CHD1: variants seen among roughly 807,000 people sequenced by gnomAD.
CHD1 encodes ATP-dependent chromatin remodeler CHD1.
A neutral mutation model predicts 224.2 loss-of-function variants in CHD1; 36 were observed. The ratio of observed to expected loss-of-function variants is 0.16; its 90% CI spans 0.12 to 0.21. CHD1 has a LOEUF of 0.21. Among genes scored for constraint, CHD1 ranks in the 10% least tolerant of loss-of-function variants. CHD1 has a pLI of 1.00. For missense variants in CHD1, 1,378 were observed against 1,994.8 expected (o/e 0.69, Z 5.89); for synonymous variants, 668 against 658.3 (o/e 1.01, Z -0.23).
intron 1 of CHD1, 147 bp downstream of exon 1, chr5:98,928,392 G>T (rs552986249): frequency 6.6e-6 from 1 of 152,494 alleles, no homozygotes; most frequent in Non-Finnish European, 1.5e-5. Flanking sequence ...CGCCAGGCCC[G>T]TACACCGCCA....
intron 1 of CHD1, among the ~76,000 whole-genome samples, chr5:98,927,930 TAA>T (rs1257683281): frequency 6.6e-6 from 1 of 152,196 alleles, no homozygotes; most frequent in Non-Finnish European, 1.5e-5. Context: ...ATGACTACCC[TAA>T]GTTATTAAAC....
chr5:98,905,548 G>A (rs1210537297), intron 2 of CHD1, among the ~76,000 whole-genome samples: 3 of 152,102 alleles, frequency 2.0e-5, no homozygotes, highest in Non-Finnish European at 4.4e-5. Flanking sequence ...ACAGTAACAG[G>A]CAGAAATTTA....
chr5:98,854,106 A>T lies in CHD1; in HGVS notation c.*2274T>A, dbSNP rs771137632. On this transcript the variant is annotated 3_prime_UTR_variant, in exon 36 of 36. Transcript: ENST00000614616. The stretch of plus-strand genomic sequence containing the variant: ...AAAAATAACAAAGCAGAATGAAAAC[A>T]GAATATTTTATGGAGAATGTTCTGC... The T allele has an allele frequency of 6.6e-6, 1 of 152,056 alleles. No individual in the cohort carries two copies. The highest frequency in any genetic ancestry group is 1.5e-5 in the Non-Finnish European group (1 of 67,884). 9.4% of individuals were successfully genotyped at this position (152,056 alleles called of 1,614,324 possible). A position where few individuals can be genotyped will look rare whatever the true frequency, so the allele number is the denominator to read the frequency against.
At chr5:98,891,563 C>A (rs1402474810) in intron 15 of CHD1, among the ~76,000 whole-genome samples, 3 of 152,128 alleles carry the variant, frequency 2.0e-5, no homozygotes, top group Admixed American at 6.5e-5. Flanking sequence ...GTAATCCCAG[C>A]ACTTTGGAAG....
In CHD1 at chr5:98,874,692, A is replaced by G. The variant is rs141999443; in HGVS notation, c.3440+380T>C. On this transcript the variant is annotated intron_variant, in intron 25 of 35. Coordinates refer to ENST00000614616, the MANE Select transcript of CHD1 (RefSeq NM_001270.4). ...GCGCCACTGCACTCCAGCCTGGGAG[A>G]CAGTGAGAGACTCCATTTAAAAAGA... is the stretch of plus-strand genomic sequence containing the variant. Among the ~76,000 whole-genome samples, 286 of 151,450 alleles carry G rather than the reference A, an allele frequency of 1.9e-3. 1 individual carries two copies. Among genetic ancestry groups the G allele is most frequent in the African/African-American group, 6.4e-3 (264 of 41,250 alleles).
chr5:98,903,350 TA>T (rs1159316084), intron 4 of CHD1, among the ~76,000 whole-genome samples: 1 of 152,226 alleles, frequency 6.6e-6, no homozygotes, highest in Non-Finnish European at 1.5e-5. Context: ...AACATACATG[TA>T]TGCATGCTTG....
At chr5:98,867,823 TAG>T (rs1749011027) in intron 31 of CHD1, among the ~76,000 whole-genome samples, 2 of 128,092 alleles carry the variant, frequency 1.6e-5, no homozygotes, top group African/African-American at 5.6e-5. Context: ...TTTTTTGAGA[TAG>T]AGTCTCACTG....
intron 4 of CHD1, among the ~76,000 whole-genome samples, chr5:98,903,294 T>C (rs1278118195): frequency 6.6e-6 from 1 of 152,150 alleles, no homozygotes; most frequent in Non-Finnish European, 1.5e-5. Flanking sequence ...GAATTTTTTC[T>C]TCACCATTAC....
intron 2 of CHD1, 33 bp downstream of exon 2, chr5:98,926,301 T>C (rs769178958): frequency 7.5e-7 from 1 of 1,325,586 alleles, no homozygotes; most frequent in East Asian, 2.6e-5. Flanking sequence ...ACTCTCTTCA[T>C]AGTAAACAAT....
At position 98,911,144 on chromosome 5, in the gene CHD1, AAAATATATATATAT is replaced by A. The variant is rs1225560552; in HGVS notation, c.54-6060_54-6047del. Reference sequence around the variant, plus strand: ...TGTGCTAAAATGAAAAAAAAAAAAAAAAATATATATATATATATATATATATATATATAGAGGCA... The same window carrying A: ...TGTGCTAAAATGAAAAAAAAAAAAAAATATATATATATATATATAGAGGCA... On this transcript the variant is annotated intron_variant, in intron 2 of 35. Transcript: ENST00000614616. Among the ~76,000 whole-genome samples the A allele has an allele frequency of 3.1e-4, 23 of 73,750 alleles. 1 individual carries two copies. The highest frequency in any genetic ancestry group is 1.5e-3 in the African/African-American group (23 of 14,908). 48.4% of individuals were successfully genotyped at this position (73,750 alleles called of 152,430 possible).
intron 11 of CHD1, among the ~76,000 whole-genome samples, chr5:98,896,660 T>G (rs998968524): frequency 5.9e-5 from 9 of 152,108 alleles, no homozygotes; most frequent in African/African-American, 2.2e-4. Context: ...ATGACCGTTT[T>G]GGGCCAGAAG....
intron 23 of CHD1, among the ~76,000 whole-genome samples, chr5:98,877,581 T>C (rs1303262451): frequency 6.6e-6 from 1 of 152,242 alleles, no homozygotes; most frequent in Non-Finnish European, 1.5e-5. Context: ...ACATATATTC[T>C]GTAAGTCTTG....
At chr5:98,908,221 C>T (rs1752171850) in intron 2 of CHD1, among the ~76,000 whole-genome samples, 1 of 152,174 alleles carries the variant, frequency 6.6e-6, no homozygotes, top group Non-Finnish European at 1.5e-5. Context: ...ACTCTTTCCA[C>T]TTCCTGCCTT....
At chr5:98,907,588 CAAA>C (rs34839165) in intron 2 of CHD1, among the ~76,000 whole-genome samples, 2 of 87,470 alleles carry the variant, frequency 2.3e-5, no homozygotes, top group East Asian at 4.2e-4. Context: ...AACTCCATCT[CAAA>C]AAAAAAAAAA....
At chr5:98,907,804 G>C (rs938516364) in intron 2 of CHD1, among the ~76,000 whole-genome samples, 1 of 152,004 alleles carries the variant, frequency 6.6e-6, no homozygotes, top group Non-Finnish European at 1.5e-5. Context: ...GGCCTAAAGA[G>C]AGGGAGGGAA....
At chr5:98,914,963 T>C (rs1373983596) in intron 2 of CHD1, among the ~76,000 whole-genome samples, 3 of 152,202 alleles carry the variant, frequency 2.0e-5, no homozygotes, top group African/African-American at 7.2e-5. Context: ...CTGTCCACTT[T>C]AGCATGACTG....
In CHD1 at chr5:98,899,684, A is replaced by G. The variant is rs748398773; in HGVS notation, c.881T>C (p.Ile294Thr). Residue 294 changes from isoleucine (I) to threonine (T), a missense_variant, in exon 8 of 36, where the codon ATC (isoleucine) becomes ACC (threonine). Ile to Thr is a moderately conservative substitution (Grantham distance 89, BLOSUM62 -1). Coordinates refer to ENST00000614616, the MANE Select transcript of CHD1 (RefSeq NM_001270.4). The part of the protein sequence containing the change: ...RKGATGATTT[I>T]YAVEADGDPN... Reference sequence around the variant, plus strand: ...GTCACCATCTGCTTCAACTGCATAGATGGTTGTAGTAGCACCAGTAGCTGA... The same window carrying G: ...GTCACCATCTGCTTCAACTGCATAGGTGGTTGTAGTAGCACCAGTAGCTGA... 1.2e-6 allele frequency: 2 copies of G among 1,613,250 alleles called. No individual in the cohort carries two copies. Among genetic ancestry groups the G allele is most frequent in the Non-Finnish European group, 1.7e-6 (2 of 1,179,678 alleles).
Position 98,885,614 on chromosome 5 carries a change from T to C in CHD1, c.2532A>G (p.Lys844=). 2 of 1,603,062 alleles carry C rather than the reference T, an allele frequency of 1.2e-6. No individual in the cohort carries two copies. Among genetic ancestry groups the C allele is most frequent in the Non-Finnish European group, 8.5e-7 (1 of 1,172,454 alleles). The part of the protein sequence containing the change: ...LDGSIKGELR[K]QALDHFNAEG... ...CAGCATTAAAATGATCTAGAGCTTG[T>C]TTCCTCAGTTCTCCTTTTATTGATC... The change falls in exon 18 of 36, where the codon AAA becomes AAG. Residue 844 remains lysine (K), a synonymous_variant. Transcript: ENST00000614616.
Position 98,926,392 on chromosome 5 carries a change from A to C in CHD1, c.-6T>G. 6.8e-7 allele frequency: 1 copy of C among 1,459,932 alleles called. No homozygotes were observed. The highest frequency in any genetic ancestry group is 9.2e-7 in the Non-Finnish European group (1 of 1,085,006). The allele number at this position is 1,459,932 out of a possible 1,614,324, so 90.4% of individuals were successfully genotyped here. On this transcript the variant is annotated 5_prime_UTR_variant, in exon 2 of 36. Transcript: ENST00000614616. Reference sequence around the variant, plus strand: ...TCATCACTGTGTCCATTCATTGTAAATTATTATCAAGAAGTTTTAAAGTAA... The same window carrying C: ...TCATCACTGTGTCCATTCATTGTAACTTATTATCAAGAAGTTTTAAAGTAA...
Sources: gnomAD v4.1 joint callset for allele counts (sites outside exome capture counted in the v4.1 genomes callset) on GRCh38, gnomAD v4.1.1 for gene constraint, MANE v1.5 for transcripts, NCBI Gene and HGNC (gene_info 2026-07-23, HGNC 2026-07-21) for gene names.